ZNF165: variants seen among roughly 807,000 people sequenced by gnomAD.
The protein encoded by ZNF165 is zinc finger protein 165.
Under a neutral mutation model 19.6 loss-of-function variants are expected in ZNF165, and 14 were observed. The ratio of observed to expected loss-of-function variants is 0.71; its 90% confidence interval spans 0.47 to 1.12. ZNF165 has a LOEUF of 1.12. Ranked by LOEUF, ZNF165 falls within the 50% of genes most tolerant of loss-of-function variation. The pLI, the probability that ZNF165 is intolerant of heterozygous loss-of-function variation, is 0.00. For missense variants in ZNF165, 504 were observed against 566.3 expected, an observed-to-expected ratio of 0.89 and a Z score of 1.12; for synonymous variants, 165 against 195.0, an observed-to-expected ratio of 0.85 and a Z score of 1.28.
intron 3 of ZNF165, 91 bp from the exon 4 acceptor site, chr6:28,088,472 G>T (rs17710827): frequency 0.034 from 34,422 of 1,016,846 alleles, 709 homozygotes; most frequent in Non-Finnish European, 0.042. Flanking sequence ...TATTAAAGTG[G>T]GCATATCAAT....
At chr6:28,086,420 A>G (rs17767294) in intron 3 of ZNF165, 110 bp downstream of exon 3, 112,496 of 1,429,988 alleles carry the variant, frequency 0.079, 4,662 homozygotes, top group African/African-American at 0.1. Context: ...TTATTACCCA[A>G]TGAAAAGAGA....
intron 1 of ZNF165, among the ~76,000 whole-genome samples, chr6:28,083,404 C>T (rs1443303447): frequency 6.6e-6 from 1 of 152,174 alleles, no homozygotes; most frequent in Non-Finnish European, 1.5e-5. Flanking sequence ...CACATCTATT[C>T]CCCTGGTCAC....
rs1764380275 is a variant in ZNF165, at chr6:28,089,393, T to C, written c.1381T>C (p.Cys461Arg). Residue 461 changes from cysteine to arginine, a missense_variant, in exon 4 of 4, where the codon TGT becomes CGT. Coordinates refer to ENST00000683778, the MANE Select transcript of ZNF165 (RefSeq NM_001376491.1). ...AGAAAAACCCTATGAATGCAGTGAG[T>C]GTGGAAGAGCCTTCAGTCAGAGCTC... ...TGEKPYECSECGRAFSQSSNL... is the reference protein window; with the variant it reads ...TGEKPYECSERGRAFSQSSNL... The C allele has an allele frequency of 2.8e-5, 45 of 1,614,168 alleles. No homozygotes were observed. The East Asian group carries it at 9.6e-4, about 34-fold the overall frequency.
chr6:28,080,840 T>G lies in ZNF165; in HGVS notation c.-131T>G, dbSNP rs61743041. 1 of 152,236 alleles carries G rather than the reference T, an allele frequency of 6.6e-6. No homozygotes were observed. Among genetic ancestry groups the G allele is most frequent in the Non-Finnish European group, 1.5e-5 (1 of 68,058 alleles). The allele number at this position is 152,236 out of a possible 1,614,324, so 9.4% of individuals were successfully genotyped here. A position where few individuals can be genotyped will look rare whatever the true frequency, so the allele number is the denominator to read the frequency against. On this transcript the variant is annotated 5_prime_UTR_variant, in exon 1 of 4. Coordinates refer to ENST00000683778, the MANE Select transcript of ZNF165 (RefSeq NM_001376491.1). Reference sequence around the variant, plus strand: ...CCCGAAGAGACCCAGGAAGGATTCTTGGAATTGTAGTCCAAAGGCATCCCG... The same window carrying G: ...CCCGAAGAGACCCAGGAAGGATTCTGGGAATTGTAGTCCAAAGGCATCCCG...
chr6:28,086,261 G>A lies in ZNF165; in HGVS notation c.501G>A (p.Glu167=), dbSNP rs760183176. The A allele has an allele frequency of 6.2e-7, 1 of 1,614,124 alleles. No individual in the cohort carries two copies. The highest frequency in any genetic ancestry group is 1.7e-5 in the Admixed American group (1 of 59,998). Reference sequence around the variant, plus strand: ...TTAATGTCAAGTTACAGCCAGTGGAGACCAAGGCCCATTTTGATTCATCAG... The same window carrying A: ...TTAATGTCAAGTTACAGCCAGTGGAAACCAAGGCCCATTTTGATTCATCAG... ...PALNVKLQPV[E]TKAHFDSSEP... Residue 167 remains glutamate (E), a synonymous_variant, in exon 3 of 4, where the codon GAG becomes GAA. Coordinates refer to ENST00000683778, the MANE Select transcript of ZNF165 (RefSeq NM_001376491.1).
chr6:28,082,707 T>C (rs1373446880), intron 1 of ZNF165, among the ~76,000 whole-genome samples: 1 of 152,244 alleles, frequency 6.6e-6, no homozygotes, highest in Non-Finnish European at 1.5e-5. Flanking sequence ...TGCAGAGATT[T>C]TGTTCATGGC....
chr6:28,086,321 G>T lies in ZNF165; in HGVS notation c.550+11G>T. 9 of 1,611,024 alleles carry T rather than the reference G, an allele frequency of 5.6e-6. No individual in the cohort carries two copies. Among genetic ancestry groups the T allele is most frequent in the Non-Finnish European group, 7.6e-6 (9 of 1,178,976 alleles). ...TCCTATGGGACTGTGGTGAGGGGCA[G>T]AATGCCATATAGTGCACATCACTAA... is the stretch of plus-strand genomic sequence containing the variant. On this transcript the variant is annotated intron_variant, in intron 3 of 3. Coordinates refer to ENST00000683778, the MANE Select transcript of ZNF165 (RefSeq NM_001376491.1).
rs943910846 is a variant in ZNF165 at position 28,080,886 on chromosome 6, G to C, written c.-85G>C. ...TCCCGCCTTCTGCGCAGACTCACAAGTCCCTGTGGACGGAATTCTTGAAGT... is the reference window on the plus strand; with the variant it reads ...TCCCGCCTTCTGCGCAGACTCACAACTCCCTGTGGACGGAATTCTTGAAGT... On this transcript the variant is annotated 5_prime_UTR_variant, in exon 1 of 4. Transcript: ENST00000683778. The C allele has an allele frequency of 1.3e-5, 2 of 152,220 alleles. No individual in the cohort carries two copies. Among genetic ancestry groups the C allele is most frequent in the African/African-American group, 4.8e-5 (2 of 41,444 alleles). The allele number at this position is 152,220 out of a possible 1,614,324, so 9.4% of individuals were successfully genotyped here. A position where few individuals can be genotyped will look rare whatever the true frequency, so the allele number is the denominator to read the frequency against.
intron 1 of ZNF165, among the ~76,000 whole-genome samples, chr6:28,082,652 C>T (rs150154171): frequency 0.037 from 5,569 of 152,310 alleles, 142 homozygotes; most frequent in Non-Finnish European, 0.056. Context: ...AAACTGACAA[C>T]CTTCCAGCGT....
chr6:28,085,776 C>T lies in ZNF165; in HGVS notation c.296C>T (p.Thr99Ile). 6.2e-7 allele frequency: 1 copy of T among 1,613,722 alleles called. No individual in the cohort carries two copies. ...LELLVLEQFLTILPGDLQAWV... is the reference protein window; with the variant it reads ...LELLVLEQFLIILPGDLQAWV... ...CTGCTGGTGCTAGAGCAGTTCCTGACCATCCTGCCAGGAGATTTGCAGGCC... is the reference window on the plus strand; with the variant it reads ...CTGCTGGTGCTAGAGCAGTTCCTGATCATCCTGCCAGGAGATTTGCAGGCC... The change falls in exon 2 of 4, where the codon ACC becomes ATC. Residue 99 changes from threonine (T) to isoleucine (I), a missense_variant. Thr to Ile is a moderately conservative substitution (Grantham distance 89). Transcript: ENST00000683778.
At chr6:28,087,802 C>T (rs1764314105) in intron 3 of ZNF165, among the ~76,000 whole-genome samples, 1 of 151,342 alleles carries the variant, frequency 6.6e-6, no homozygotes, top group African/African-American at 2.4e-5. Context: ...GGAATTTAGA[C>T]TTGAACAAAA....
At chr6:28,088,515 C>A in intron 3 of ZNF165, 48 bp from the exon 4 acceptor site, 2 of 1,511,650 alleles carry the variant, frequency 1.3e-6, no homozygotes. Context: ...ATAAAATTTT[C>A]TTTTCGTGCA....
chr6:28,088,865 GA>G lies in ZNF165; in HGVS notation c.855del (p.Glu285AspfsTer28). ...CERRLNLNSN[E>X]FTHQKSCKHG... ...GAGGAGATTAAATCTGAACTCAAAT[GA>G]ATTCACACACCAGAAATCTTGTAAA... On this transcript the variant is annotated frameshift_variant, in exon 4 of 4. Transcript: ENST00000683778. LOFTEE classifies it low-confidence loss of function (END_TRUNC). The G allele has an allele frequency of 6.2e-7, 1 of 1,614,108 alleles. No individual in the cohort carries two copies.
Position 28,085,593 on chromosome 6 carries a change from A to G in ZNF165, c.113A>G (p.Gln38Arg), listed in dbSNP as rs1204636670. ...EFIHGQDTCL[Q>R]RSELLKQELC... ...ATCCATGGGCAGGACACTTGCTTAC[A>G]GAGAAGTGAACTCCTTAAGCAGGAG... The change falls in exon 2 of 4, where the codon CAG becomes CGG. Residue 38 changes from glutamine (Q) to arginine (R), a missense_variant. By Grantham distance (43) the Gln-to-Arg change is conservative. Transcript: ENST00000683778. The G allele has an allele frequency of 6.2e-7, 1 of 1,614,142 alleles. No individual in the cohort carries two copies. Among genetic ancestry groups the G allele is most frequent in the Non-Finnish European group, 8.5e-7 (1 of 1,180,048 alleles).
intron 1 of ZNF165, among the ~76,000 whole-genome samples, chr6:28,083,216 T>C (rs1434916150): frequency 6.6e-6 from 1 of 152,194 alleles, no homozygotes; most frequent in East Asian, 1.9e-4. Context: ...TCTGAATCTT[T>C]CTCATCCTTT....
Position 28,086,330 on chromosome 6 carries a change from A to G in ZNF165, c.550+20A>G, listed in dbSNP as rs538645613. 7 of 1,605,750 alleles carry G rather than the reference A, an allele frequency of 4.4e-6. No homozygotes were observed. In the African/African-American group the frequency reaches 9.4e-5, roughly 22 times the overall value. On this transcript the variant is annotated intron_variant, in intron 3 of 3. Transcript: ENST00000683778. ...ACTGTGGTGAGGGGCAGAATGCCAT[A>G]TAGTGCACATCACTAAAGAAACAGG...
Position 28,089,447 on chromosome 6 carries a change from A to G in ZNF165, c.1435A>G (p.Met479Val). The part of the protein sequence containing the change: ...SNLSQHQRIH[M>V]RENLLM Reference sequence around the variant, plus strand: ...CCTTAGTCAACACCAGAGAATTCACATGAGGGAAAACCTATTAATGTAAGG... The same window carrying G: ...CCTTAGTCAACACCAGAGAATTCACGTGAGGGAAAACCTATTAATGTAAGG... The change falls in exon 4 of 4, where the codon ATG (methionine) becomes GTG (valine). Residue 479 changes from methionine to valine, a missense_variant. Met to Val is a conservative substitution (Grantham distance 21). Transcript: ENST00000683778. 1 of 1,600,466 alleles carries G rather than the reference A, an allele frequency of 6.2e-7. No homozygotes were observed. Among genetic ancestry groups the G allele is most frequent in the Non-Finnish European group, 8.5e-7 (1 of 1,171,984 alleles).
intron 1 of ZNF165, among the ~76,000 whole-genome samples, chr6:28,085,094 C>T (rs1310571215): frequency 6.6e-6 from 1 of 152,142 alleles, no homozygotes; most frequent in Non-Finnish European, 1.5e-5. Flanking sequence ...GTATTTTTCT[C>T]ATCTCCTATT....
chr6:28,088,135 T>A (rs142227652), intron 3 of ZNF165, among the ~76,000 whole-genome samples: 12 of 152,318 alleles, frequency 7.9e-5, no homozygotes, highest in African/African-American at 1.7e-4. Context: ...TACTTCACAG[T>A]CACTTATAGC....
Sources: gnomAD v4.1 joint callset for allele counts (sites outside exome capture counted in the v4.1 genomes callset) on GRCh38, gnomAD v4.1.1 for gene constraint, MANE v1.5 for transcripts, NCBI Gene and HGNC (gene_info 2026-07-23, HGNC 2026-07-21) for gene names.